RALGPS1: variants seen among roughly 807,000 people sequenced by gnomAD.
RALGPS1 encodes ras-specific guanine nucleotide-releasing factor RalGPS1.
A neutral mutation model predicts 78.8 loss-of-function variants in RALGPS1; 19 were observed. The observed-to-expected ratio is 0.24, with a 90% CI of 0.17 to 0.35. The LOEUF (loss-of-function observed/expected upper bound fraction) is 0.35, where lower values mean the gene tolerates loss of function less well. RALGPS1 is among the 10% of genes least tolerant of loss of function. The probability of loss-of-function intolerance (pLI) is 1.00; values close to 1 mark genes in which losing one functional copy is unlikely to be tolerated. For missense variants in RALGPS1, 454 were observed against 688.3 expected, an observed-to-expected ratio of 0.66 and a Z score of 3.81; for synonymous variants, 228 against 256.3, an observed-to-expected ratio of 0.89 and a Z score of 1.06.
intron 7 of RALGPS1, among the ~76,000 whole-genome samples, chr9:127,054,988 A>G (rs533600129): frequency 7.5e-6 from 1 of 133,248 alleles, no homozygotes; most frequent in East Asian, 2.3e-4. Context: ...AAAGAGAGAG[A>G]GATTGATTGA....
intron 8 of RALGPS1, among the ~76,000 whole-genome samples, chr9:127,135,971 G>C (rs2057366573): frequency 6.6e-6 from 1 of 152,218 alleles, no homozygotes; most frequent in South Asian, 2.1e-4. Flanking sequence ...ATTTCATTTA[G>C]GGACTTGCTG....
In RALGPS1 at chr9:127,219,840, C is replaced by G. The variant is rs1321038313; in HGVS notation, c.*1071C>G. Reference sequence around the variant, plus strand: ...CAAGATTCCTGATCATGACGGGAAGCTGAGTGACCCTGAGGCCTTAAGCTT... The same window carrying G: ...CAAGATTCCTGATCATGACGGGAAGGTGAGTGACCCTGAGGCCTTAAGCTT... On this transcript the variant is annotated 3_prime_UTR_variant, in exon 19 of 19. Coordinates refer to ENST00000259351, the MANE Select transcript of RALGPS1 (RefSeq NM_014636.3). This position sits in a 1 kb window ranked among gnomAD's most constrained non-coding sequence, Gnocchi z 5.0. 6.6e-6 allele frequency: 1 copy of G among 152,662 alleles called. No individual in the cohort carries two copies. Among genetic ancestry groups the G allele is most frequent in the Admixed American group, 6.5e-5 (1 of 15,286 alleles). The allele number at this position is 152,662 out of a possible 1,614,324, so 9.5% of individuals were successfully genotyped here.
intron 4 of RALGPS1, among the ~76,000 whole-genome samples, chr9:126,986,463 A>G (rs1460864824): frequency 6.6e-6 from 1 of 152,106 alleles, no homozygotes; most frequent in Non-Finnish European, 1.5e-5. Context: ...TGCATTGTAA[A>G]GGAGGTCTGT....
intron 8 of RALGPS1, among the ~76,000 whole-genome samples, chr9:127,119,195 C>T (rs1342214685): frequency 1.3e-5 from 2 of 152,190 alleles, no homozygotes; most frequent in Admixed American, 1.3e-4. Flanking sequence ...TACCACATAA[C>T]AGGTACCCTC....
intron 18 of RALGPS1, chr9:127,216,200 A>C (rs1008334641): frequency 6.6e-6 from 1 of 152,340 alleles, no homozygotes; most frequent in African/African-American, 2.4e-5. Context: ...GATGAGGACA[A>C]ATACAAGAAG....
chr9:127,085,874 G>C (rs1054792894), intron 8 of RALGPS1, among the ~76,000 whole-genome samples: 5 of 152,166 alleles, frequency 3.3e-5, no homozygotes, highest in Admixed American at 6.5e-5. Context: ...CCAAGATTAA[G>C]ATATTTTCCT....
chr9:126,980,550 A>T (rs1331032840), intron 4 of RALGPS1, among the ~76,000 whole-genome samples: 1 of 152,222 alleles, frequency 6.6e-6, no homozygotes, highest in African/African-American at 2.4e-5. Context: ...TGATTGTAAG[A>T]CTGATAGCAA....
At chr9:126,937,624 C>T (rs1380501826) in intron 1 of RALGPS1, among the ~76,000 whole-genome samples, 1 of 152,220 alleles carries the variant, frequency 6.6e-6, no homozygotes, top group Non-Finnish European at 1.5e-5. Flanking sequence ...AGCAGATTGC[C>T]TCCTGACCCA....
chr9:126,957,306 C>T (rs560609752), intron 1 of RALGPS1, among the ~76,000 whole-genome samples: 5 of 152,324 alleles, frequency 3.3e-5, no homozygotes, highest in African/African-American at 1.2e-4. Context: ...CTTGAGAATT[C>T]AGTTGTTAGG....
At chr9:126,958,142 A>AAAAAAATATAT (rs113413659) in intron 1 of RALGPS1, among the ~76,000 whole-genome samples, 8 of 77,096 alleles carry the variant, frequency 1.0e-4, no homozygotes, top group East Asian at 7.9e-4. Context: ...AAAAAAAAAA[A>AAAAAAATATAT]ATATATATAT....
intron 8 of RALGPS1, among the ~76,000 whole-genome samples, chr9:127,164,688 C>T (rs1430648267): frequency 6.6e-6 from 1 of 151,926 alleles, no homozygotes; most frequent in African/African-American, 2.4e-5. Context: ...TACAGGTATG[C>T]ACCACCATGG....
At chr9:127,093,679 T>C in intron 8 of RALGPS1, 3 of 1,598,420 alleles carry the variant, frequency 1.9e-6, no homozygotes, top group Admixed American at 3.4e-5. Flanking sequence ...AGGCCTCTCT[T>C]GGGGTGGGCC....
intron 8 of RALGPS1, among the ~76,000 whole-genome samples, chr9:127,073,466 CTG>C (rs58611833): frequency 2.7e-4 from 38 of 142,972 alleles, no homozygotes; most frequent in South Asian, 8.6e-4. Flanking sequence ...GTGTGTGTGT[CTG>C]TGTGTGTGTG....
intron 10 of RALGPS1, among the ~76,000 whole-genome samples, chr9:127,173,736 C>T (rs115466261): frequency 0.012 from 1,853 of 152,260 alleles, 15 homozygotes; most frequent in Middle Eastern, 0.024. Flanking sequence ...TGAGAGGCCA[C>T]GTGCGGTGGC....
At chr9:127,089,697 C>CTTCACAAAAT (rs1427028875) in intron 8 of RALGPS1, among the ~76,000 whole-genome samples, 1 of 152,226 alleles carries the variant, frequency 6.6e-6, no homozygotes, top group Non-Finnish European at 1.5e-5. Flanking sequence ...TTTTGTATTA[C>CTTCACAAAAT]TTCACAAAGG....
At chr9:127,210,899 C>A (rs1226451843) in intron 14 of RALGPS1, 4 of 826,796 alleles carry the variant, frequency 4.8e-6, no homozygotes, top group South Asian at 3.6e-5. Context: ...CTACATGAGT[C>A]TACTGCCAGG....
chr9:126,994,521 G>A (rs964051199), intron 4 of RALGPS1, among the ~76,000 whole-genome samples: 2 of 152,192 alleles, frequency 1.3e-5, no homozygotes, highest in African/African-American at 4.8e-5. Context: ...CAAGAAATAT[G>A]GGACTATGTG....
intron 5 of RALGPS1, among the ~76,000 whole-genome samples, chr9:127,048,479 A>G (rs954914134): frequency 1.3e-5 from 2 of 152,094 alleles, no homozygotes; most frequent in Non-Finnish European, 1.5e-5. Flanking sequence ...GGTCACCTCA[A>G]TTTCAGGAAG....
intron 3 of RALGPS1, among the ~76,000 whole-genome samples, chr9:126,976,167 G>T (rs1419218914): frequency 6.6e-6 from 1 of 152,072 alleles, no homozygotes; most frequent in African/African-American, 2.4e-5. Flanking sequence ...CAACCTCAGT[G>T]CATGAATATT....
Sources: gnomAD v4.1 joint callset for allele counts (sites outside exome capture counted in the v4.1 genomes callset) on GRCh38, gnomAD v4.1.1 for gene constraint, Gnocchi (gnomAD v3.1) non-coding constraint, MANE v1.5 for transcripts, NCBI Gene and HGNC (gene_info 2026-07-23, HGNC 2026-07-21) for gene names.